The following AGTR1 variants were observed in gnomAD, a reference collection of about 807,000 sequenced individuals.
The protein encoded by AGTR1 is angiotensin II receptor type 1.
In AGTR1, 16 loss-of-function variants were observed where a neutral mutation model predicts 19.4. That is an observed-to-expected ratio of 0.82 (90% CI 0.56 to 1.25). The LOEUF (loss-of-function observed/expected upper bound fraction) is 1.25. AGTR1 is among the 50% of genes most tolerant of loss of function. The pLI is 0.00. For synonymous variants in AGTR1, 153 were observed against 154.9 expected, an observed-to-expected ratio of 0.99 and a Z score of 0.09; for missense variants, 373 against 431.9, an observed-to-expected ratio of 0.86 and a Z score of 1.21.
chr3:148,711,444 A>G (rs2107935032), intron 2 of AGTR1, among the ~76,000 whole-genome samples: 1 of 152,350 alleles, frequency 6.6e-6, no homozygotes, highest in African/African-American at 2.4e-5. Flanking sequence ...TCATTTTTCA[A>G]TGAAAGCATA....
intron 2 of AGTR1, among the ~76,000 whole-genome samples, chr3:148,730,943 T>A (rs1714220145): frequency 1.3e-5 from 2 of 152,174 alleles, no homozygotes; most frequent in Admixed American, 6.5e-5. Context: ...GCACTTGAAA[T>A]GTCGCTAGTG....
intron 2 of AGTR1, among the ~76,000 whole-genome samples, chr3:148,732,424 A>T (rs898029144): frequency 1.3e-5 from 2 of 152,230 alleles, no homozygotes; most frequent in Non-Finnish European, 2.9e-5. Context: ...TAAAAGAAAG[A>T]AAAAAACCTG....
At chr3:148,699,472 G>A (rs1179332212) in intron 1 of AGTR1, among the ~76,000 whole-genome samples, 1 of 152,036 alleles carries the variant, frequency 6.6e-6, no homozygotes, top group Non-Finnish European at 1.5e-5. Flanking sequence ...ATGTATTCCC[G>A]GGTGCCCTGG....
intron 1 of AGTR1, among the ~76,000 whole-genome samples, chr3:148,706,595 G>T (rs1712681650): frequency 6.6e-6 from 1 of 151,942 alleles, no homozygotes; most frequent in Non-Finnish European, 1.5e-5. Flanking sequence ...AAAGCTATTT[G>T]CCAGCCATTA....
chr3:148,733,029 C>T (rs554885185), intron 2 of AGTR1, among the ~76,000 whole-genome samples: 16 of 152,068 alleles, frequency 1.1e-4, no homozygotes, highest in African/African-American at 3.4e-4. Flanking sequence ...CGTGAGCCAC[C>T]GCGCCCGGCC....
At chr3:148,735,528 TATAAATA>T (rs1262189360) in intron 2 of AGTR1, among the ~76,000 whole-genome samples, 1 of 152,148 alleles carries the variant, frequency 6.6e-6, no homozygotes, top group Non-Finnish European at 1.5e-5. Context: ...CCTGAGGAAC[TATAAATA>T]GTAAAGCAAT....
intron 2 of AGTR1, among the ~76,000 whole-genome samples, chr3:148,738,997 A>G (rs1296945501): frequency 6.6e-6 from 1 of 152,244 alleles, no homozygotes; most frequent in East Asian, 1.9e-4. Flanking sequence ...AGTAAACTTT[A>G]AACAGGCTCT....
intron 1 of AGTR1, among the ~76,000 whole-genome samples, chr3:148,702,029 G>A (rs1016830615): frequency 3.4e-5 from 5 of 148,102 alleles, no homozygotes; most frequent in Admixed American, 6.8e-5. Context: ...CCAGGCTGGC[G>A]TGCAGTGGCA....
Position 148,740,970 on chromosome 3 carries a change from TTA to T in AGTR1, c.-47-17_-47-16del. 6.3e-7 allele frequency: 1 copy of T among 1,591,422 alleles called. No individual in the cohort carries two copies. ...CAATAAGAATTTTTTCTTTACCATTTTATTTTTATTTTCCCCAGGTGTATTTG... is the reference window on the plus strand; with the variant it reads ...CAATAAGAATTTTTTCTTTACCATTTTTTTTATTTTCCCCAGGTGTATTTG... On this transcript the variant is annotated splice_polypyrimidine_tract_variant and intron_variant, in intron 2 of 2. Transcript: ENST00000349243.
intron 1 of AGTR1, among the ~76,000 whole-genome samples, chr3:148,701,861 G>C (rs1260349031): frequency 6.6e-6 from 1 of 151,918 alleles, no homozygotes; most frequent in Non-Finnish European, 1.5e-5. Flanking sequence ...TACACACATA[G>C]ATGCCTTCAT....
intron 2 of AGTR1, chr3:148,739,762 G>C (rs1346215454): frequency 8.1e-7 from 1 of 1,230,580 alleles, no homozygotes; most frequent in African/African-American, 1.6e-5. Context: ...TGCTTGGCAT[G>C]GCAGTGGTGT....
At chr3:148,726,509 C>T (rs774349426) in intron 2 of AGTR1, among the ~76,000 whole-genome samples, 1 of 152,140 alleles carries the variant, frequency 6.6e-6, no homozygotes, top group Non-Finnish European at 1.5e-5. Context: ...GCCTGGCCTG[C>T]AGTCAACTGA....
chr3:148,741,086 T>C lies in AGTR1; in HGVS notation c.51T>C (p.Asp17=). Residue 17 remains aspartate (D), a synonymous_variant, in exon 3 of 3, where the codon GAT becomes GAC. Coordinates refer to ENST00000349243, the MANE Select transcript of AGTR1 (RefSeq NM_000685.5). Reference sequence around the variant, plus strand: ...ATGGTATTAAAAGAATCCAAGATGATTGTCCCAAAGCTGGAAGGCATAATT... The same window carrying C: ...ATGGTATTAAAAGAATCCAAGATGACTGTCCCAAAGCTGGAAGGCATAATT... ...TEDGIKRIQD[D]CPKAGRHNYI... 1.9e-6 allele frequency: 3 copies of C among 1,614,016 alleles called. No homozygotes were observed. The highest frequency in any genetic ancestry group is 2.5e-6 in the Non-Finnish European group (3 of 1,179,886).
At chr3:148,726,915 G>C (rs1410371852) in intron 2 of AGTR1, among the ~76,000 whole-genome samples, 1 of 152,198 alleles carries the variant, frequency 6.6e-6, no homozygotes, top group African/African-American at 2.4e-5. Context: ...TAATGGGAAA[G>C]GGGAGAGTAT....
intron 2 of AGTR1, among the ~76,000 whole-genome samples, chr3:148,734,845 T>A (rs1386648732): frequency 6.6e-6 from 1 of 152,172 alleles, no homozygotes; most frequent in Non-Finnish European, 1.5e-5. Flanking sequence ...CTCAAACGCT[T>A]CATCAAAAGC....
intron 2 of AGTR1, among the ~76,000 whole-genome samples, chr3:148,738,340 G>A (rs982368650): frequency 6.6e-6 from 1 of 151,782 alleles, no homozygotes; most frequent in Admixed American, 6.6e-5. Context: ...AACCTTCGAG[G>A]TTCCTTAACC....
intron 2 of AGTR1, among the ~76,000 whole-genome samples, chr3:148,720,268 A>G (rs114176445): frequency 6.6e-6 from 1 of 152,130 alleles, no homozygotes; most frequent in African/African-American, 2.4e-5. Flanking sequence ...ACACACACAC[A>G]CCACACACAC....
intron 1 of AGTR1, among the ~76,000 whole-genome samples, chr3:148,704,302 G>A (rs1712540195): frequency 6.6e-6 from 1 of 151,940 alleles, no homozygotes; most frequent in Non-Finnish European, 1.5e-5. Flanking sequence ...GGAGGTGAAG[G>A]CTGCAGTGAG....
At chr3:148,711,653 T>G (rs1712990963) in intron 2 of AGTR1, among the ~76,000 whole-genome samples, 1 of 152,178 alleles carries the variant, frequency 6.6e-6, no homozygotes, top group Admixed American at 6.5e-5. Context: ...CATTCTTTCT[T>G]TGCTTAAATA....
Sources: allele counts gnomAD v4.1 joint callset (sites outside exome capture counted in the v4.1 genomes callset), GRCh38; gene constraint gnomAD v4.1.1; transcripts MANE v1.5; gene names NCBI Gene and HGNC (gene_info 2026-07-23, HGNC 2026-07-21).